The following TNRC6A variants were observed in gnomAD, a reference collection of about 807,000 sequenced individuals.
The protein encoded by TNRC6A is trinucleotide repeat containing adaptor 6A.
In TNRC6A, 44 loss-of-function variants were observed where a neutral mutation model predicts 221.2. That is an observed-to-expected ratio of 0.20 (90% confidence interval 0.16 to 0.26). The LOEUF is 0.26. Ranked by LOEUF, TNRC6A falls within the 10% of genes least tolerant of loss-of-function variation. The probability of loss-of-function intolerance (pLI) is 1.00; values close to 1 mark genes in which losing one functional copy is unlikely to be tolerated. For synonymous variants in TNRC6A, 847 were observed against 838.5 expected (o/e 1.01, Z -0.18); for missense variants, 2,199 against 2,404.4 (o/e 0.91, Z 1.79).
At chr16:24,749,860 C>G (rs1214439656) in intron 2 of TNRC6A, among the ~76,000 whole-genome samples, 1 of 152,088 alleles carries the variant, frequency 6.6e-6, no homozygotes, top group African/African-American at 2.4e-5. Context: ...CATTATTAGA[C>G]CAGGCGTGGT....
intron 2 of TNRC6A, among the ~76,000 whole-genome samples, chr16:24,714,002 A>T (rs1184834438): frequency 1.3e-5 from 2 of 152,112 alleles, no homozygotes; most frequent in African/African-American, 4.8e-5. Flanking sequence ...CATTTTCTTC[A>T]CATTGTGTGG....
intron 2 of TNRC6A, among the ~76,000 whole-genome samples, chr16:24,656,459 T>C (rs1245700466): frequency 1.1e-5 from 1 of 89,766 alleles, no homozygotes; most frequent in African/African-American, 3.6e-5. Context: ...AGAGCGAGAC[T>C]CCATCTCAAA....
intron 2 of TNRC6A, chr16:24,663,901 G>A (rs755481419): frequency 4.4e-6 from 2 of 456,466 alleles, no homozygotes; most frequent in Non-Finnish European, 8.8e-6. Flanking sequence ...TTATCAGGCA[G>A]AATATTTTAA....
intron 2 of TNRC6A, among the ~76,000 whole-genome samples, chr16:24,748,536 A>G (rs1478374059): frequency 1.3e-5 from 2 of 152,156 alleles, no homozygotes; most frequent in African/African-American, 2.4e-5. Context: ...ACAGCGAAGT[A>G]TAGCAACAGT....
chr16:24,654,595 T>C (rs1902857002), intron 2 of TNRC6A, among the ~76,000 whole-genome samples: 2 of 152,132 alleles, frequency 1.3e-5, no homozygotes, highest in Admixed American at 1.3e-4. Context: ...GGCATGCACC[T>C]GTAGTACCAG....
chr16:24,791,414 C>T lies in TNRC6A; in HGVS notation c.2772C>T (p.Asp924=). 2 of 1,557,170 alleles carry T rather than the reference C, an allele frequency of 1.3e-6. No individual in the cohort carries two copies. The highest frequency in any genetic ancestry group is 1.7e-6 in the Non-Finnish European group (2 of 1,153,848). ...SKPTPSQGWG[D]PPKSNQSLGW... is the part of the protein sequence containing the mutation. ...CTACTCCTTCCCAGGGATGGGGAGA[C>T]CCTCCAAAGTCTAATCAGTCTCTAG... The change falls in exon 6 of 25, where the codon GAC becomes GAT. Residue 924 remains aspartate, a synonymous_variant. Transcript: ENST00000395799.
At chr16:24,762,881 A>G (rs975981770) in intron 4 of TNRC6A, among the ~76,000 whole-genome samples, 1 of 152,238 alleles carries the variant, frequency 6.6e-6, no homozygotes, top group East Asian at 1.9e-4. Context: ...TCATGCTGCA[A>G]CAGTAGTCAC....
rs201286178 is a variant in TNRC6A, at chr16:24,824,875, CAAAA to C, written c.*1074_*1077del. 6.7e-6 allele frequency: 1 copy of C among 149,334 alleles called. No homozygotes were observed. Among genetic ancestry groups the C allele is most frequent in the Admixed American group, 6.7e-5 (1 of 14,978 alleles). The allele number at this position is 149,334 out of a possible 1,614,324, so 9.3% of individuals were successfully genotyped here. ...TGCTCTGTTAAAGAATTTTCTCTGC[CAAAA>C]AAAAAGAAAAAACAAAAAAACGCTT... On this transcript the variant is annotated 3_prime_UTR_variant, in exon 25 of 25. Transcript: ENST00000395799.
chr16:24,716,774 A>T (rs1205630026), intron 2 of TNRC6A, among the ~76,000 whole-genome samples: 1 of 151,976 alleles, frequency 6.6e-6, no homozygotes, highest in Admixed American at 6.6e-5. Flanking sequence ...CCTGGCCAAC[A>T]TGGTGAAACC....
At chr16:24,694,956 C>G (rs2055828556) in intron 2 of TNRC6A, among the ~76,000 whole-genome samples, 4 of 152,076 alleles carry the variant, frequency 2.6e-5, no homozygotes, top group Admixed American at 1.3e-4. Context: ...TCACTGTGAG[C>G]CATCTCTGGA....
chr16:24,675,684 CTCTCTCTCTCTCT>C (rs2055397516), intron 2 of TNRC6A, among the ~76,000 whole-genome samples: 1 of 81,652 alleles, frequency 1.2e-5, no homozygotes, highest in Non-Finnish European at 2.3e-5. Context: ...CTCTCTCTCT[CTCTCTCTCTCTCT>C]CTCTCTATAT....
At chr16:24,750,874 C>G (rs2057122112) in intron 3 of TNRC6A, 61 bp downstream of exon 3, 1 of 1,317,612 alleles carries the variant, frequency 7.6e-7, no homozygotes, top group Non-Finnish European at 9.9e-7. Context: ...AAAAAAATTA[C>G]TCTTACAGAT....
intron 17 of TNRC6A, among the ~76,000 whole-genome samples, chr16:24,807,443 T>C (rs993553813): frequency 6.6e-6 from 1 of 152,248 alleles, no homozygotes; most frequent in Non-Finnish European, 1.5e-5. Flanking sequence ...GATGTTCTTA[T>C]TAGAAACAGT....
intron 2 of TNRC6A, among the ~76,000 whole-genome samples, chr16:24,744,275 G>A (rs957733917): frequency 6.6e-6 from 1 of 152,146 alleles, no homozygotes; most frequent in African/African-American, 2.4e-5. Flanking sequence ...CTTGGGTGAG[G>A]TGGTCTCTGT....
intron 1 of TNRC6A, among the ~76,000 whole-genome samples, chr16:24,632,827 G>A (rs1901415798): frequency 2.0e-5 from 3 of 152,008 alleles, no homozygotes; most frequent in Non-Finnish European, 2.9e-5. Context: ...TGGCCAACAT[G>A]GTGAAACCCT....
At chr16:24,784,903 A>T (rs2151815424) in intron 5 of TNRC6A, among the ~76,000 whole-genome samples, 1 of 152,370 alleles carries the variant, frequency 6.6e-6, no homozygotes, top group East Asian at 1.9e-4. Flanking sequence ...GTATTCTAAC[A>T]TTAACAAGTG....
At chr16:24,724,799 G>A (rs964973770), upstream of TNRC6A, among the ~76,000 whole-genome samples, 5 of 152,044 alleles carry the variant, frequency 3.3e-5, no homozygotes, top group Admixed American at 6.6e-5. Context: ...CCACGTTCAT[G>A]TTTATACATT....
At chr16:24,624,961 G>A (rs964838287) in intron 1 of TNRC6A, among the ~76,000 whole-genome samples, 1 of 152,188 alleles carries the variant, frequency 6.6e-6, no homozygotes, top group Non-Finnish European at 1.5e-5. Context: ...CTCTCCCAGG[G>A]GAAGGTGCTC....
intron 2 of TNRC6A, among the ~76,000 whole-genome samples, chr16:24,734,476 A>C (rs2056717313): frequency 6.6e-6 from 1 of 152,244 alleles, no homozygotes; most frequent in African/African-American, 2.4e-5. Context: ...GGAGGCCAGA[A>C]TCATAGAATC....
Sources: gnomAD v4.1 joint callset for allele counts (sites outside exome capture counted in the v4.1 genomes callset) on GRCh38, gnomAD v4.1.1 for gene constraint, MANE v1.5 for transcripts, NCBI Gene and HGNC (gene_info 2026-07-23, HGNC 2026-07-21) for gene names.